The following FOXP2 variants were observed in gnomAD, a reference collection of about 807,000 sequenced individuals.
FOXP2 encodes forkhead box protein P2.
Under a neutral mutation model 115.8 loss-of-function variants are expected in FOXP2, and 12 were observed. The observed-to-expected ratio is 0.10, with a 90% CI of 0.07 to 0.17. The LOEUF is 0.17. FOXP2 is among the 10% of genes least tolerant of loss of function. FOXP2 has a pLI of 1.00. For synonymous variants in FOXP2, 328 were observed against 297.7 expected, an observed-to-expected ratio of 1.10 and a Z score of -1.05; for missense variants, 629 against 843.5, an observed-to-expected ratio of 0.75 and a Z score of 3.15.
At chr7:114,174,663 G>T (rs1317157641) in intron 1 of FOXP2, among the ~76,000 whole-genome samples, 1 of 152,024 alleles carries the variant, frequency 6.6e-6, no homozygotes, top group Admixed American at 6.6e-5. Context: ...TGTCCAAAAA[G>T]AGAAGTGTCA....
intron 1 of FOXP2, among the ~76,000 whole-genome samples, chr7:114,152,044 A>G (rs1256465879): frequency 2.0e-5 from 3 of 152,152 alleles, no homozygotes; most frequent in Non-Finnish European, 4.4e-5. Context: ...TCGAATGTAA[A>G]AATAGTTAAG....
chr7:114,429,800 T>C (rs1321947314), intron 2 of FOXP2, among the ~76,000 whole-genome samples: 2 of 151,572 alleles, frequency 1.3e-5, no homozygotes, highest in Non-Finnish European at 3.0e-5. Context: ...AACAGAGTAT[T>C]TGAATAACCA....
chr7:114,414,460 T>C (rs1426051547), upstream of FOXP2: 1 of 152,528 alleles, frequency 6.6e-6, no homozygotes, highest in Non-Finnish European at 1.5e-5. Context: ...AACTATGCAT[T>C]GTTTACTTTA....
chr7:114,095,107 G>T (rs976789435), intron 1 of FOXP2, among the ~76,000 whole-genome samples: 1 of 152,082 alleles, frequency 6.6e-6, no homozygotes, highest in African/African-American at 2.4e-5. Flanking sequence ...ATCCCACATC[G>T]TTAAATAGCC....
intron 16 of FOXP2, among the ~76,000 whole-genome samples, chr7:114,686,298 G>T (rs1441458778): frequency 6.6e-6 from 1 of 151,684 alleles, no homozygotes; most frequent in East Asian, 1.9e-4. Flanking sequence ...TCGGCCTCCC[G>T]AGTAACTGGG....
intron 3 of FOXP2, among the ~76,000 whole-genome samples, chr7:114,610,402 G>T (rs1295385884): frequency 2.6e-5 from 4 of 151,932 alleles, no homozygotes; most frequent in African/African-American, 9.7e-5. Context: ...TTAAAAATTG[G>T]TATTTAAAAT....
intron 2 of FOXP2, among the ~76,000 whole-genome samples, chr7:114,489,183 C>A (rs1796924170): frequency 6.6e-6 from 1 of 152,018 alleles, no homozygotes; most frequent in Non-Finnish European, 1.5e-5. Context: ...AGACATATAT[C>A]TTTTTGTAAT....
chr7:114,315,024 C>T (rs1797241082), intron 2 of FOXP2, among the ~76,000 whole-genome samples: 1 of 152,126 alleles, frequency 6.6e-6, no homozygotes, highest in African/African-American at 2.4e-5. Flanking sequence ...TAACATTTGC[C>T]ACAAAAATCT....
intron 1 of FOXP2, among the ~76,000 whole-genome samples, chr7:114,211,622 T>C (rs754961682): frequency 2.0e-5 from 3 of 152,220 alleles, no homozygotes; most frequent in Non-Finnish European, 2.9e-5. Flanking sequence ...TCTGGTTGTC[T>C]TCTATTTCTT....
intron 2 of FOXP2, among the ~76,000 whole-genome samples, chr7:114,309,657 A>G (rs1797097375): frequency 6.6e-6 from 1 of 151,986 alleles, no homozygotes. Flanking sequence ...TCTCAGCTCT[A>G]AAGGGAGATA....
In FOXP2 at chr7:114,690,734, G is replaced by A. The variant is rs1299921667; in HGVS notation, c.*808G>A. The A allele has an allele frequency of 4.4e-6, 2 of 454,464 alleles. No individual in the cohort carries two copies. Among genetic ancestry groups the A allele is most frequent in the Non-Finnish European group, 8.8e-6 (2 of 226,782 alleles). 28.2% of individuals were successfully genotyped at this position (454,464 alleles called of 1,614,324 possible). On this transcript the variant is annotated 3_prime_UTR_variant, in exon 17 of 17. Transcript: ENST00000350908. ...TTGTCTACCTGCAAACACAGTCAAA[G>A]GCTACAGCTGCAAACCAAAGCCAAC...
In FOXP2 at chr7:114,460,121, T is replaced by G. The variant is rs186585871; in HGVS notation, c.168+33442T>G. Among the ~76,000 whole-genome samples, 737 of 152,288 alleles carry G rather than the reference T, an allele frequency of 4.8e-3. 12 individuals carry two copies. The highest frequency in any genetic ancestry group is 0.017 in the African/African-American group (701 of 41,520). On this transcript the variant is annotated intron_variant, in intron 2 of 16. Transcript: ENST00000350908. ...AGCTTAGCAATGAAAATCACATTTA[T>G]TTATTTATTTATTTATTCACTCAAC...
intron 3 of FOXP2, among the ~76,000 whole-genome samples, chr7:114,577,653 G>A (rs1801643550): frequency 1.3e-5 from 2 of 151,854 alleles, no homozygotes; most frequent in Non-Finnish European, 2.9e-5. Flanking sequence ...TCTCTCTTAA[G>A]AGAGAGATTG....
chr7:114,479,330 A>G (rs1796422041), intron 2 of FOXP2, among the ~76,000 whole-genome samples: 2 of 151,652 alleles, frequency 1.3e-5, no homozygotes, highest in African/African-American at 2.4e-5. Context: ...GAAATATAAT[A>G]GAGGGAATCT....
intron 2 of FOXP2, among the ~76,000 whole-genome samples, chr7:114,295,132 A>G (rs950565851): frequency 6.6e-6 from 1 of 152,188 alleles, no homozygotes; most frequent in Admixed American, 6.5e-5. Flanking sequence ...ATTATACAAA[A>G]TAGAAAATAT....
At chr7:114,243,607 A>T (rs1795205498) in intron 1 of FOXP2, among the ~76,000 whole-genome samples, 1 of 152,064 alleles carries the variant, frequency 6.6e-6, no homozygotes, top group African/African-American at 2.4e-5. Flanking sequence ...TTTGATTTTT[A>T]AATTGTTTAT....
intron 1 of FOXP2, among the ~76,000 whole-genome samples, chr7:114,109,841 T>C (rs1194122597): frequency 6.6e-6 from 1 of 152,164 alleles, no homozygotes. Flanking sequence ...TATTTTAAGA[T>C]AGAGATTTCT....
intron 2 of FOXP2, among the ~76,000 whole-genome samples, chr7:114,372,668 A>G (rs1344053472): frequency 6.6e-6 from 1 of 152,146 alleles, no homozygotes; most frequent in Non-Finnish European, 1.5e-5. Context: ...ATTTACAGCC[A>G]ATTCTGTCCA....
intron 1 of FOXP2, among the ~76,000 whole-genome samples, chr7:114,220,552 T>C (rs555970128): frequency 2.0e-5 from 3 of 152,296 alleles, no homozygotes; most frequent in African/African-American, 7.2e-5. Flanking sequence ...TTTCAGGATT[T>C]CAAGTGGCTT....
Sources: allele counts gnomAD v4.1 joint callset (sites outside exome capture counted in the v4.1 genomes callset), GRCh38; gene constraint gnomAD v4.1.1; transcripts MANE v1.5; gene names NCBI Gene and HGNC (gene_info 2026-07-23, HGNC 2026-07-21).